BIVM: variants seen among roughly 807,000 people sequenced by gnomAD.
BIVM encodes basic, immunoglobulin-like variable motif containing.
In BIVM, 31 loss-of-function variants were observed where a neutral mutation model predicts 61.4. That is an observed-to-expected ratio of 0.51 (90% confidence interval 0.38 to 0.68). BIVM has a LOEUF of 0.68. Ranked by LOEUF, BIVM falls within the 30% of genes least tolerant of loss-of-function variation. The probability of loss-of-function intolerance (pLI) is 0.00; values close to 1 mark genes in which losing one functional copy is unlikely to be tolerated. For missense variants in BIVM, 526 were observed against 596.0 expected (o/e 0.88, Z 1.22); for synonymous variants, 189 against 210.7 (o/e 0.90, Z 0.89).
At chr13:102,824,859 A>G (rs1260946986) in intron 7 of BIVM, among the ~76,000 whole-genome samples, 2 of 152,172 alleles carry the variant, frequency 1.3e-5, no homozygotes, top group South Asian at 2.1e-4. Flanking sequence ...TCCTAGGCTC[A>G]AGCGATCCTT....
chr13:102,812,238 A>G (rs931212331), intron 3 of BIVM, among the ~76,000 whole-genome samples: 1 of 152,140 alleles, frequency 6.6e-6, no homozygotes, highest in Non-Finnish European at 1.5e-5. Flanking sequence ...TAAGTTTTCT[A>G]TCTCTTCATT....
chr13:102,809,157 T>C (rs1281197655), intron 3 of BIVM, among the ~76,000 whole-genome samples: 1 of 152,202 alleles, frequency 6.6e-6, no homozygotes, highest in African/African-American at 2.4e-5. Flanking sequence ...AAGCATAGAA[T>C]ACTCCAAATT....
rs1240709998 is a variant in BIVM, at chr13:102,839,644, C to T, written c.1291C>T (p.Pro431Ser). Residue 431 changes from proline to serine, a missense_variant, in exon 11 of 11, where the codon CCA (proline) becomes TCA (serine). Coordinates refer to ENST00000257336, the MANE Select transcript of BIVM (RefSeq NM_017693.4). ...NWQRFGLWNFPFGTIRQESQP... is the reference protein window; with the variant it reads ...NWQRFGLWNFSFGTIRQESQP... Reference sequence around the variant, plus strand: ...GCAAAGATTTGGCCTTTGGAACTTTCCATTTGGAACCATTAGACAAGAATC... The same window carrying T: ...GCAAAGATTTGGCCTTTGGAACTTTTCATTTGGAACCATTAGACAAGAATC... The T allele has an allele frequency of 1.9e-6, 3 of 1,614,116 alleles. No homozygotes were observed. The highest frequency in any genetic ancestry group is 1.3e-5 in the African/African-American group (1 of 75,014).
chr13:102,829,762 C>T (rs1232032393), intron 7 of BIVM, among the ~76,000 whole-genome samples: 5 of 151,934 alleles, frequency 3.3e-5, no homozygotes, highest in Non-Finnish European at 5.9e-5. Flanking sequence ...TTGTTTGAAC[C>T]GGGGAGGTAG....
chr13:102,825,911 G>A (rs925262084), intron 7 of BIVM, among the ~76,000 whole-genome samples: 3 of 152,110 alleles, frequency 2.0e-5, no homozygotes, highest in Non-Finnish European at 2.9e-5. Context: ...ATTTCATTGC[G>A]AGGTAATTCT....
intron 7 of BIVM, among the ~76,000 whole-genome samples, chr13:102,826,805 G>A (rs566509772): frequency 1.3e-5 from 2 of 152,250 alleles, no homozygotes; most frequent in East Asian, 3.9e-4. Context: ...GATGGAGTGA[G>A]AGGATAGATG....
At chr13:102,834,601 C>A in intron 9 of BIVM, 49 bp downstream of exon 9, 2 of 1,502,704 alleles carry the variant, frequency 1.3e-6, no homozygotes, top group Non-Finnish European at 1.8e-6. Context: ...CATTTAGATA[C>A]AGTGAAATGC....
intron 1 of BIVM, chr13:102,800,482 G>C (rs1878681441): frequency 1.3e-5 from 2 of 152,214 alleles, no homozygotes; most frequent in African/African-American, 4.8e-5. Flanking sequence ...CACGGGCAGG[G>C]AGCGCAGCCG....
intron 4 of BIVM, among the ~76,000 whole-genome samples, chr13:102,818,448 T>A (rs780353409): frequency 1.2e-4 from 18 of 152,228 alleles, no homozygotes; most frequent in Non-Finnish European, 2.2e-4. Context: ...ATAGTTAGTA[T>A]GTAGGGAATA....
intron 3 of BIVM, among the ~76,000 whole-genome samples, chr13:102,810,619 T>C (rs1879432122): frequency 6.6e-6 from 1 of 152,258 alleles, no homozygotes. Flanking sequence ...CAAATTTATA[T>C]ATTGTGTGTC....
At chr13:102,837,511 C>A (rs1881558162) in intron 9 of BIVM, among the ~76,000 whole-genome samples, 1 of 152,094 alleles carries the variant, frequency 6.6e-6, no homozygotes, top group South Asian at 2.1e-4. Flanking sequence ...CCTTAAAGAA[C>A]TAAAAGTAGA....
At position 102,807,390 on chromosome 13, in the gene BIVM, A is replaced by G. The variant is rs759522836; in HGVS notation, c.123A>G (p.Ser41=). 85 of 1,614,112 alleles carry G rather than the reference A, an allele frequency of 5.3e-5. No homozygotes were observed. Among genetic ancestry groups the G allele is most frequent in the Non-Finnish European group, 7.0e-5 (83 of 1,180,048 alleles). ...GAVKSFCTSA[S]GAPLGPKGDG... ...TAAAATCTTTCTGCACAAGTGCCTC[A>G]GGAGCACCCTTGGGTCCCAAAGGAG... is the stretch of plus-strand genomic sequence containing the variant. Residue 41 remains serine (S), a synonymous_variant, in exon 3 of 11, where the codon TCA becomes TCG. Transcript: ENST00000257336. The surrounding 1 kb of genome is among the most constrained non-coding windows in gnomAD (Gnocchi z 4.0).
At position 102,807,964 on chromosome 13, in the gene BIVM, A is replaced by G. The variant is rs923540944; in HGVS notation, c.478+219A>G. ...TGGAAACTTCAAGCATAAGCTTTGTATCAAATATTTTGAGAGATTTGAAAA... is the reference window on the plus strand; with the variant it reads ...TGGAAACTTCAAGCATAAGCTTTGTGTCAAATATTTTGAGAGATTTGAAAA... On this transcript the variant is annotated intron_variant, in intron 3 of 10. Transcript: ENST00000257336. This position sits in a 1 kb window ranked among gnomAD's most constrained non-coding sequence, Gnocchi z 4.0. 6.6e-6 allele frequency among the ~76,000 whole-genome samples: 1 copy of G among 152,192 alleles called. No individual in the cohort carries two copies. Among genetic ancestry groups the G allele is most frequent in the Non-Finnish European group, 1.5e-5 (1 of 68,042 alleles).
At chr13:102,837,360 C>T (rs897555620) in intron 9 of BIVM, among the ~76,000 whole-genome samples, 1 of 152,128 alleles carries the variant, frequency 6.6e-6, no homozygotes, top group African/African-American at 2.4e-5. Flanking sequence ...TTAATTAGAG[C>T]TTTAATTTCA....
At chr13:102,815,759 A>G (rs555158623) in intron 3 of BIVM, among the ~76,000 whole-genome samples, 29 of 150,466 alleles carry the variant, frequency 1.9e-4, no homozygotes, top group African/African-American at 7.0e-4. Context: ...GAATGTTTGT[A>G]TGTGTGTGCA....
At chr13:102,831,873 C>A (rs1486570318) in intron 8 of BIVM, among the ~76,000 whole-genome samples, 176 bp downstream of exon 8, 188 of 105,454 alleles carry the variant, frequency 1.8e-3, no homozygotes, top group African/African-American at 3.5e-3. Flanking sequence ...ACTAAAAATA[C>A]AAAAAAAAAA....
intron 7 of BIVM, among the ~76,000 whole-genome samples, chr13:102,829,843 A>T (rs1160810035): frequency 1.4e-5 from 2 of 145,282 alleles, no homozygotes; most frequent in Non-Finnish European, 3.0e-5. Context: ...TGTCTCAAAA[A>T]ATAAAATAAA....
intron 5 of BIVM, 93 bp downstream of exon 5, chr13:102,821,225 A>G (rs753320349): frequency 2.1e-5 from 24 of 1,122,612 alleles, no homozygotes; most frequent in Non-Finnish European, 2.4e-5. Context: ...TAGATTTTTT[A>G]TAAATTTAAC....
intron 4 of BIVM, among the ~76,000 whole-genome samples, chr13:102,817,722 T>A (rs1879968327): frequency 6.6e-6 from 1 of 152,156 alleles, no homozygotes; most frequent in Non-Finnish European, 1.5e-5. Flanking sequence ...CCAGCCTTCT[T>A]CTGTAGCTTT....
Sources: allele counts gnomAD v4.1 joint callset (sites outside exome capture counted in the v4.1 genomes callset), GRCh38; gene constraint gnomAD v4.1.1; non-coding constraint Gnocchi (gnomAD v3.1); transcripts MANE v1.5; gene names NCBI Gene and HGNC (gene_info 2026-07-23, HGNC 2026-07-21).